TOP1MT: variants seen among roughly 807,000 people sequenced by gnomAD.
TOP1MT encodes the protein DNA topoisomerase I, mitochondrial.
Under a neutral mutation model 73.9 loss-of-function variants are expected in TOP1MT, and 80 were observed. The ratio of observed to expected loss-of-function variants is 1.08; its 90% CI spans 0.90 to 1.30. The LOEUF is 1.30. Among genes scored for constraint, TOP1MT ranks in the 50% most tolerant of loss-of-function variants. TOP1MT has a pLI of 0.00. For missense variants in TOP1MT, 815 were observed against 808.0 expected, an observed-to-expected ratio of 1.01 and a Z score of -0.10; for synonymous variants, 338 against 326.4, an observed-to-expected ratio of 1.04 and a Z score of -0.38.
chr8:143,320,769 T>C (rs1033622435), intron 8 of TOP1MT, among the ~76,000 whole-genome samples: 3 of 152,168 alleles, frequency 2.0e-5, no homozygotes, highest in African/African-American at 7.2e-5. Context: ...GCAGGATCCG[T>C]GGCCCCACCA....
chr8:143,313,911 C>T (rs1402516443), intron 12 of TOP1MT, among the ~76,000 whole-genome samples: 5 of 151,460 alleles, frequency 3.3e-5, no homozygotes, highest in Admixed American at 6.6e-5. Context: ...GGCGAAACAT[C>T]GACGAGCTCT....
chr8:143,342,364 GTTATTA>G (rs1318292444), intron 2 of TOP1MT, among the ~76,000 whole-genome samples: 1 of 88,352 alleles, frequency 1.1e-5, no homozygotes. Flanking sequence ...GTCTCGCTCT[GTTATTA>G]TTATTAGAGA....
intron 7 of TOP1MT, among the ~76,000 whole-genome samples, chr8:143,323,087 CAGGCATGCCAA>C (rs1816561248): frequency 7.2e-6 from 1 of 138,150 alleles, no homozygotes; most frequent in Admixed American, 7.1e-5. Context: ...ACGCCACACA[CAGGCATGCCAA>C]ACACGCACGC....
chr8:143,346,953 C>CTTTATTTATTTATTTATTTA (rs61391831), upstream of TOP1MT, among the ~76,000 whole-genome samples: 2 of 140,924 alleles, frequency 1.4e-5, no homozygotes, highest in Admixed American at 7.1e-5. Flanking sequence ...AGCCTCACTT[C>CTTTATTTATTTATTTATTTA]TTTATTTATT....
At chr8:143,326,430 C>G (rs548590741) in intron 3 of TOP1MT, 86 bp from the exon 4 acceptor site, 1 of 1,571,420 alleles carries the variant, frequency 6.4e-7, no homozygotes, top group African/African-American at 1.3e-5. Context: ...GACAGAAACG[C>G]GCTCTCGCCA....
chr8:143,318,046 G>C lies in TOP1MT; in HGVS notation c.1187C>G (p.Pro396Arg). The change falls in exon 9 of 14, where the codon CCC becomes CGC. Residue 396 changes from proline (P) to arginine (R), a missense_variant. Transcript: ENST00000329245. ...NLQLFMENKD[P>R]RDDLFDRLTT... is the part of the protein sequence containing the mutation. ...CAGCCTGTCGAAGAGGTCGTCCCGG[G>C]GGTCCTTGTTCTCCATAAAGAGCTG... is the stretch of plus-strand genomic sequence containing the variant. The C allele has an allele frequency of 4.3e-6, 7 of 1,614,144 alleles. No homozygotes were observed. The highest frequency in any genetic ancestry group is 5.9e-6 in the Non-Finnish European group (7 of 1,180,016).
chr8:143,356,743 G>A (rs935323702), upstream of TOP1MT, among the ~76,000 whole-genome samples: 6 of 126,808 alleles, frequency 4.7e-5, no homozygotes, highest in East Asian at 2.5e-4. Flanking sequence ...CTGAGATCGC[G>A]CCACTGAACT....
intron 7 of TOP1MT, 51 bp downstream of exon 7, chr8:143,323,948 C>A (rs368640703): frequency 6.2e-7 from 1 of 1,602,868 alleles, no homozygotes; most frequent in Admixed American, 1.7e-5. Flanking sequence ...TGGGAGTCCT[C>A]GCCAGGAGAA....
chr8:143,328,815 T>C (rs1220270761), intron 3 of TOP1MT, among the ~76,000 whole-genome samples: 1 of 152,062 alleles, frequency 6.6e-6, no homozygotes, highest in East Asian at 1.9e-4. Flanking sequence ...GCCTCGCAGG[T>C]GTGGGGCAGA....
chr8:143,358,834 C>T (rs1817456034), upstream of TOP1MT, among the ~76,000 whole-genome samples: 1 of 152,160 alleles, frequency 6.6e-6, no homozygotes, highest in African/African-American at 2.4e-5. Context: ...GGCCACGAGC[C>T]TCTGTTGGCT....
chr8:143,321,544 CCACACACGCACGCCA>C (rs1164266874), intron 7 of TOP1MT, among the ~76,000 whole-genome samples, 158 bp from the exon 8 acceptor site: 9 of 112,362 alleles, frequency 8.0e-5, no homozygotes, highest in East Asian at 2.9e-4. Flanking sequence ...CACACGCACG[CCACACACGCACGCCA>C]CACACACGCA....
Position 143,341,072 on chromosome 8 carries a change from C to A in TOP1MT, c.29+2148G>T, listed in dbSNP as rs2977365. ...GCGCGCTCCTCCCCAGCTCCCACGG[C>A]GGCCCCTGCACTCTTCCGCTCCCCA... On this transcript the variant is annotated intron_variant, in intron 2 of 5. Transcript: ENST00000518007. The surrounding 1 kb of genome is among the most constrained non-coding windows in gnomAD (Gnocchi z 4.1). 6.6e-6 allele frequency among the ~76,000 whole-genome samples: 1 copy of A among 152,084 alleles called. No homozygotes were observed. Among genetic ancestry groups the A allele is most frequent in the South Asian group, 2.1e-4 (1 of 4,828 alleles).
chr8:143,319,817 A>AC (rs1226607146), intron 8 of TOP1MT, among the ~76,000 whole-genome samples: 8 of 111,932 alleles, frequency 7.1e-5, no homozygotes, highest in South Asian at 4.2e-4. Context: ...TCAGAATGTA[A>AC]CCTTTTTTTT....
chr8:143,331,129 C>T (rs920588874), intron 2 of TOP1MT, 95 bp downstream of exon 2: 76 of 955,864 alleles, frequency 8.0e-5, no homozygotes, highest in Middle Eastern at 3.0e-4. Flanking sequence ...CAGAAGCCTG[C>T]AGGGGGGCTG....
At chr8:143,320,269 T>C (rs538552604) in intron 8 of TOP1MT, among the ~76,000 whole-genome samples, 105 of 152,074 alleles carry the variant, frequency 6.9e-4, no homozygotes, top group African/African-American at 2.4e-3. Context: ...GCTGGGACTA[T>C]AGGCGCTCGC....
intron 7 of TOP1MT, 91 bp from the exon 8 acceptor site, chr8:143,321,477 C>CCATAAA (rs1816353433): frequency 1.0e-6 from 1 of 1,001,086 alleles, no homozygotes. Flanking sequence ...CACACGCACG[C>CCATAAA]CACACGCACG....
chr8:143,317,224 A>G (rs1043829979), intron 10 of TOP1MT, among the ~76,000 whole-genome samples: 2 of 152,176 alleles, frequency 1.3e-5, no homozygotes, highest in Non-Finnish European at 2.9e-5. Flanking sequence ...GGGCAGCGCC[A>G]GGGACAGAGG....
At position 143,321,340 on chromosome 8, in the gene TOP1MT, T is replaced by C. The variant is rs1816339894; in HGVS notation, c.1007A>G (p.Asp336Gly). The C allele has an allele frequency of 5.0e-6, 8 of 1,600,374 alleles. No individual in the cohort carries two copies. The highest frequency in any genetic ancestry group is 6.8e-6 in the Non-Finnish European group (8 of 1,169,852). Residue 336 changes from aspartate to glycine, a missense_variant, in exon 8 of 14, where the codon GAC becomes GGC. Asp to Gly is a moderately conservative substitution (Grantham distance 94). Coordinates refer to ENST00000329245, the MANE Select transcript of TOP1MT (RefSeq NM_052963.3). ...GNEKEDGEAA[D>G]TVGCCSLRVE... ...GCGGAGGGAACAGCAGCCCACGGTG[T>C]CGGCCGCCTCACCGTCCTCCTTCTC... is the stretch of plus-strand genomic sequence containing the variant.
At chr8:143,348,773 T>C (rs1817272679), upstream of TOP1MT, among the ~76,000 whole-genome samples, 1 of 152,054 alleles carries the variant, frequency 6.6e-6, no homozygotes, top group South Asian at 2.1e-4. The surrounding 1 kb of genome is among the most constrained non-coding windows in gnomAD (Gnocchi z 4.6). Context: ...GGACGCCAGC[T>C]GACAGCCAGC....
Sources: gnomAD v4.1 joint callset for allele counts (sites outside exome capture counted in the v4.1 genomes callset) on GRCh38, gnomAD v4.1.1 for gene constraint, Gnocchi (gnomAD v3.1) non-coding constraint, MANE v1.5 for transcripts, NCBI Gene and HGNC (gene_info 2026-07-23, HGNC 2026-07-21) for gene names.